The following SCFD2 variants were observed in gnomAD, a reference collection of about 807,000 sequenced individuals.
SCFD2 encodes the protein sec1 family domain containing 2.
SCFD2 carries 54 observed loss-of-function variants against 58.9 expected under a neutral mutation model. That is an observed-to-expected ratio of 0.92 (90% confidence interval 0.74 to 1.15). The LOEUF (loss-of-function observed/expected upper bound fraction) is 1.15, where lower values mean the gene tolerates loss of function less well. SCFD2 is among the 50% of genes most tolerant of loss of function. SCFD2 has a pLI of 0.00. For missense variants in SCFD2, 805 were observed against 836.6 expected (o/e 0.96, Z 0.47); for synonymous variants, 321 against 335.9 (o/e 0.96, Z 0.49).
intron 5 of SCFD2, among the ~76,000 whole-genome samples, chr4:52,993,192 G>A (rs1721662366): frequency 6.6e-6 from 1 of 151,830 alleles, no homozygotes; most frequent in Admixed American, 6.6e-5. Flanking sequence ...ATGCTTGAAG[G>A]CAGCATGCTC....
chr4:52,958,550 C>T (rs1375841558), intron 5 of SCFD2, among the ~76,000 whole-genome samples: 4 of 152,228 alleles, frequency 2.6e-5, no homozygotes, highest in African/African-American at 7.2e-5. Context: ...CAACAAGTGA[C>T]GTTCATCGGC....
intron 5 of SCFD2, among the ~76,000 whole-genome samples, chr4:53,019,180 C>T (rs190318509): frequency 6.6e-6 from 1 of 152,074 alleles, no homozygotes; most frequent in African/African-American, 2.4e-5. Flanking sequence ...AAGATTTATG[C>T]ACAAGGATGT....
chr4:53,096,498 T>G (rs1486722433), intron 5 of SCFD2, among the ~76,000 whole-genome samples: 1 of 152,216 alleles, frequency 6.6e-6, no homozygotes, highest in African/African-American at 2.4e-5. Flanking sequence ...ATGTGTCTGT[T>G]GGCTGCATAA....
chr4:53,049,239 T>A (rs555364346), intron 5 of SCFD2, among the ~76,000 whole-genome samples: 2 of 152,322 alleles, frequency 1.3e-5, no homozygotes, highest in African/African-American at 4.8e-5. Flanking sequence ...CAAGAATGTC[T>A]GCCCAGCCTT....
chr4:53,306,850 A>T (rs1732531408), intron 3 of SCFD2, among the ~76,000 whole-genome samples: 1 of 152,246 alleles, frequency 6.6e-6, no homozygotes, highest in Non-Finnish European at 1.5e-5. Context: ...TCTGTATTTA[A>T]TCATGAAGAA....
intron 1 of SCFD2, among the ~76,000 whole-genome samples, chr4:53,362,389 G>C (rs1187611093): frequency 6.6e-6 from 1 of 152,192 alleles, no homozygotes; most frequent in Non-Finnish European, 1.5e-5. Flanking sequence ...TGAATACTGA[G>C]CAAGTAAATG....
chr4:53,006,297 G>T (rs1721969725), intron 5 of SCFD2, among the ~76,000 whole-genome samples: 1 of 152,138 alleles, frequency 6.6e-6, no homozygotes, highest in South Asian at 2.1e-4. Context: ...CTTTCACCTT[G>T]CTCCACCTAA....
chr4:53,216,584 T>G (rs1005817923), intron 4 of SCFD2, among the ~76,000 whole-genome samples: 2 of 151,274 alleles, frequency 1.3e-5, no homozygotes, highest in African/African-American at 4.9e-5. Flanking sequence ...TTGCTGATCT[T>G]TTCAAAAAAC....
chr4:53,357,727 C>T (rs1243668768), intron 1 of SCFD2, among the ~76,000 whole-genome samples: 1 of 152,000 alleles, frequency 6.6e-6, no homozygotes, highest in Admixed American at 6.6e-5. Context: ...AAAAGCAGAT[C>T]GGGGAGAAAA....
chr4:53,352,475 C>T, intron 2 of SCFD2, 123 bp downstream of exon 2: 1 of 669,484 alleles, frequency 1.5e-6, no homozygotes. Context: ...TAAATGCTAC[C>T]CACTGTGAAA....
At chr4:53,347,835 T>C (rs566311026) in intron 2 of SCFD2, among the ~76,000 whole-genome samples, 1 of 152,170 alleles carries the variant, frequency 6.6e-6, no homozygotes, top group Admixed American at 6.5e-5. Context: ...CAGAGAGCAA[T>C]GGGAGAGAAA....
chr4:53,210,661 C>T (rs149741287), intron 4 of SCFD2, among the ~76,000 whole-genome samples: 6 of 151,990 alleles, frequency 3.9e-5, no homozygotes, highest in Non-Finnish European at 8.8e-5. Context: ...TTATTAATAA[C>T]GTGCATTATT....
intron 2 of SCFD2, 53 bp downstream of exon 2, chr4:53,352,545 A>C (rs1048181345): frequency 6.7e-5 from 99 of 1,468,128 alleles, no homozygotes; most frequent in Non-Finnish European, 8.1e-5. Context: ...GTCTAGGAGA[A>C]AAAGAAAGGG....
At chr4:52,913,159 G>A (rs1162695122) in intron 6 of SCFD2, among the ~76,000 whole-genome samples, 1 of 152,062 alleles carries the variant, frequency 6.6e-6, no homozygotes, top group African/African-American at 2.4e-5. Context: ...TCTGTGCCCT[G>A]CCCAATCATT....
At chr4:53,025,665 T>C (rs1722455276) in intron 5 of SCFD2, among the ~76,000 whole-genome samples, 1 of 152,132 alleles carries the variant, frequency 6.6e-6, no homozygotes, top group African/African-American at 2.4e-5. Context: ...AAATTTGAGT[T>C]AAAAAAAGAG....
chr4:53,031,869 G>T lies in SCFD2; in HGVS notation c.1562-110999C>A, dbSNP rs1722623672. On this transcript the variant is annotated intron_variant, in intron 5 of 8. Coordinates refer to ENST00000401642, the MANE Select transcript of SCFD2 (RefSeq NM_152540.4). Reference sequence around the variant, plus strand: ...CCAAGGTGGAAAACATACTCTTCAGGATATCATCCAGGAGAACTTCCCCAA... The same window carrying T: ...CCAAGGTGGAAAACATACTCTTCAGTATATCATCCAGGAGAACTTCCCCAA... Among the ~76,000 whole-genome samples the T allele has an allele frequency of 2.6e-5, 4 of 152,118 alleles. No homozygotes were observed. In the South Asian group the frequency reaches 8.3e-4, roughly 32 times the overall value.
At chr4:53,300,051 A>G (rs1317688430) in intron 3 of SCFD2, among the ~76,000 whole-genome samples, 1 of 152,192 alleles carries the variant, frequency 6.6e-6, no homozygotes, top group Non-Finnish European at 1.5e-5. Context: ...TAACGAGCAA[A>G]AAAACTAGCT....
chr4:53,344,854 T>G (rs907390954), intron 2 of SCFD2, among the ~76,000 whole-genome samples: 5 of 152,180 alleles, frequency 3.3e-5, no homozygotes, highest in Admixed American at 1.3e-4. Context: ...GGGGAAAGGA[T>G]TCCCTATTTA....
intron 3 of SCFD2, among the ~76,000 whole-genome samples, chr4:53,294,284 T>A (rs1252891669): frequency 2.6e-5 from 4 of 152,220 alleles, no homozygotes; most frequent in Non-Finnish European, 5.9e-5. Flanking sequence ...TTCCTATTTA[T>A]CCACATCCTC....
Sources: gnomAD v4.1 joint callset for allele counts (sites outside exome capture counted in the v4.1 genomes callset) on GRCh38, gnomAD v4.1.1 for gene constraint, MANE v1.5 for transcripts, NCBI Gene and HGNC (gene_info 2026-07-23, HGNC 2026-07-21) for gene names.